The following USH2A variants were observed in gnomAD, a reference collection of about 807,000 sequenced individuals.
The protein encoded by USH2A is usherin, also known as Usher syndrome 2A (autosomal recessive, mild).
Under a neutral mutation model 538.9 loss-of-function variants are expected in USH2A, and 443 were observed. The ratio of observed to expected loss-of-function variants is 0.82; its 90% CI spans 0.76 to 0.89. The LOEUF (loss-of-function observed/expected upper bound fraction) is 0.89, where lower values mean the gene tolerates loss of function less well. USH2A is among the 40% of genes least tolerant of loss of function. The pLI is 0.00. For synonymous variants in USH2A, 2,413 were observed against 2,273.5 expected, an observed-to-expected ratio of 1.06 and a Z score of -1.75; for missense variants, 6,633 against 6,324.8, an observed-to-expected ratio of 1.05 and a Z score of -1.65.
chr1:215,734,509 A>C (rs1439800526), intron 60 of USH2A, among the ~76,000 whole-genome samples: 1 of 152,102 alleles, frequency 6.6e-6, no homozygotes, highest in East Asian at 1.9e-4. Context: ...GTCTGCTTGA[A>C]TTCTCTCTCT....
At chr1:215,851,420 C>T (rs972522257) in intron 44 of USH2A, among the ~76,000 whole-genome samples, 3 of 152,050 alleles carry the variant, frequency 2.0e-5, no homozygotes, top group South Asian at 2.1e-4. Flanking sequence ...ACTGTGAACA[C>T]CTTTATGCAA....
chr1:216,210,063 C>A (rs2035205618), intron 15 of USH2A, among the ~76,000 whole-genome samples: 1 of 152,076 alleles, frequency 6.6e-6, no homozygotes, highest in Admixed American at 6.6e-5. Flanking sequence ...CTGCCCCATG[C>A]CCTGGAGGAA....
rs972110820 is a variant in USH2A at position 216,364,671 on chromosome 1, G to C, written c.784+282C>G. Among the ~76,000 whole-genome samples the C allele has an allele frequency of 1.3e-4, 20 of 152,110 alleles. 2 individuals are homozygous for C. The highest frequency in any genetic ancestry group is 4.8e-4 in the African/African-American group (20 of 41,410). On this transcript the variant is annotated intron_variant, in intron 4 of 71. Coordinates refer to ENST00000307340, the MANE Select transcript of USH2A (RefSeq NM_206933.4). ...AAGCAGCAAGTAAAGGAACACTAAG[G>C]ATTGCCAGTAGCTACCACGAAGAGA... is the stretch of plus-strand genomic sequence containing the variant.
intron 38 of USH2A, among the ~76,000 whole-genome samples, chr1:215,901,711 A>T (rs763767874): frequency 6.6e-6 from 1 of 152,182 alleles, no homozygotes; most frequent in Non-Finnish European, 1.5e-5. Flanking sequence ...GTGTAAAACT[A>T]AAGCCTATTC....
chr1:215,639,264 T>C (rs1211927092), intron 68 of USH2A, 26 bp from the exon 69 acceptor site: 1 of 1,612,320 alleles, frequency 6.2e-7, no homozygotes, highest in Non-Finnish European at 8.5e-7. Flanking sequence ...AACTGGTAAA[T>C]GACTTGTTCA....
At chr1:215,809,478 A>T (rs1269050814) in intron 49 of USH2A, among the ~76,000 whole-genome samples, 1 of 151,922 alleles carries the variant, frequency 6.6e-6, no homozygotes, top group Non-Finnish European at 1.5e-5. Context: ...GATGTGGATT[A>T]TATCAATAAA....
Position 216,089,155 on chromosome 1 carries a change from GAATA to G in USH2A, c.4759-20_4759-17del. ...CTGGTGACCCCTTAAGGGAATGAAT[GAATA>G]AATAAATGTTTATACATGCATATCT... On this transcript the variant is annotated splice_polypyrimidine_tract_variant and intron_variant, in intron 22 of 71. Coordinates refer to ENST00000307340, the MANE Select transcript of USH2A (RefSeq NM_206933.4). 1.9e-6 allele frequency: 3 copies of G among 1,609,866 alleles called. No homozygotes were observed. Among genetic ancestry groups the G allele is most frequent in the Non-Finnish European group, 2.5e-6 (3 of 1,176,994 alleles).
At chr1:215,770,107 C>T (rs1299338111) in intron 55 of USH2A, among the ~76,000 whole-genome samples, 1 of 152,158 alleles carries the variant, frequency 6.6e-6, no homozygotes, top group Non-Finnish European at 1.5e-5. Flanking sequence ...TATAACAAAA[C>T]TCACATTTTC....
intron 3 of USH2A, among the ~76,000 whole-genome samples, chr1:216,405,248 T>C (rs1031127736): frequency 6.6e-6 from 1 of 152,124 alleles, no homozygotes; most frequent in African/African-American, 2.4e-5. Context: ...TTCATAGACT[T>C]GACATGGAAA....
chr1:216,260,108 T>C (rs984273931), intron 11 of USH2A, among the ~76,000 whole-genome samples: 1 of 152,068 alleles, frequency 6.6e-6, no homozygotes, highest in African/African-American at 2.4e-5. Flanking sequence ...CTCTTTTTCT[T>C]GATACTTCAA....
intron 38 of USH2A, 62 bp from the exon 39 acceptor site, chr1:215,900,967 A>C: frequency 6.2e-7 from 1 of 1,601,820 alleles, no homozygotes; most frequent in Non-Finnish European, 8.5e-7. Flanking sequence ...GCTGGATGGA[A>C]TCGAAATGCT....
At chr1:215,981,384 TA>T (rs1343551165) in intron 35 of USH2A, among the ~76,000 whole-genome samples, 1 of 152,158 alleles carries the variant, frequency 6.6e-6, no homozygotes, top group African/African-American at 2.4e-5. Flanking sequence ...TATATTTTGA[TA>T]AAAAATAAAT....
intron 14 of USH2A, among the ~76,000 whole-genome samples, chr1:216,226,321 T>C (rs974497342): frequency 6.6e-6 from 1 of 152,216 alleles, no homozygotes; most frequent in South Asian, 2.1e-4. Context: ...ACAAATTCAA[T>C]TCAGAAAATA....
At position 216,000,402 on chromosome 1, in the gene USH2A, CTGTATG is replaced by C; in HGVS notation, c.6480_6485del (p.His2160_Ile2161del). 6.2e-7 allele frequency: 1 copy of C among 1,613,464 alleles called. No individual in the cohort carries two copies. The highest frequency in any genetic ancestry group is 8.5e-7 in the Non-Finnish European group (1 of 1,179,578). On this transcript the variant is annotated inframe_deletion and splice_region_variant, in exon 33 of 72. Coordinates refer to ENST00000307340, the MANE Select transcript of USH2A (RefSeq NM_206933.4). ...GTGAGAGAGACAACATTTCTACTTACTGTATGTGTATAGTTCTAGAATCCAGGACAG... is the reference window on the plus strand; with the variant it reads ...GTGAGAGAGACAACATTTCTACTTACTGTATAGTTCTAGAATCCAGGACAG...
intron 43 of USH2A, among the ~76,000 whole-genome samples, chr1:215,868,404 T>A (rs879400275): frequency 2.0e-5 from 3 of 152,204 alleles, no homozygotes; most frequent in Non-Finnish European, 4.4e-5. Context: ...TGCTCTATTG[T>A]AATTACAGGT....
chr1:215,762,830 G>A (rs575825062), intron 56 of USH2A, among the ~76,000 whole-genome samples: 1 of 152,254 alleles, frequency 6.6e-6, no homozygotes, highest in South Asian at 2.1e-4. Flanking sequence ...TAGGAGGATG[G>A]GGTGGGGTAA....
chr1:216,331,631 G>A (rs2037864855), intron 4 of USH2A, among the ~76,000 whole-genome samples: 1 of 152,016 alleles, frequency 6.6e-6, no homozygotes, highest in African/African-American at 2.4e-5. Context: ...AAAGCTATTA[G>A]AAATAACAAG....
chr1:215,697,931 G>A (rs11120607), intron 61 of USH2A, among the ~76,000 whole-genome samples: 94,003 of 151,944 alleles, frequency 0.62, 29,704 homozygotes, highest in Middle Eastern at 0.72. Context: ...GCACCCATCA[G>A]CCCGTCATCT....
intron 40 of USH2A, among the ~76,000 whole-genome samples, chr1:215,890,034 A>C (rs1558147197): frequency 6.6e-6 from 1 of 152,214 alleles, no homozygotes; most frequent in South Asian, 2.1e-4. Flanking sequence ...ACTGCTCTCT[A>C]GGTACAAGCA....
Sources: allele counts gnomAD v4.1 joint callset (sites outside exome capture counted in the v4.1 genomes callset), GRCh38; gene constraint gnomAD v4.1.1; transcripts MANE v1.5; gene names NCBI Gene and HGNC (gene_info 2026-07-23, HGNC 2026-07-21).